The following BCR variants were observed in gnomAD, a reference collection of about 807,000 sequenced individuals.
The protein encoded by BCR is BCR activator of RhoGEF and GTPase.
In BCR, 58 loss-of-function variants were observed where a neutral mutation model predicts 138.6. That is an observed-to-expected ratio of 0.42 (90% CI 0.34 to 0.52). The LOEUF is 0.52. Ranked by LOEUF, BCR falls within the 20% of genes least tolerant of loss-of-function variation. BCR has a pLI of 0.06. For synonymous variants in BCR, 786 were observed against 730.1 expected, an observed-to-expected ratio of 1.08 and a Z score of -1.23; for missense variants, 1,599 against 1,727.2, an observed-to-expected ratio of 0.93 and a Z score of 1.32.
At chr22:23,312,663 G>C (rs534739462) in intron 19 of BCR, 1 of 567,418 alleles carries the variant, frequency 1.8e-6, no homozygotes, top group East Asian at 3.0e-5. Flanking sequence ...CATCACATCA[G>C]GCCAAGCAGG....
chr22:23,284,931 C>T, intron 9 of BCR, 102 bp from the exon 10 acceptor site: 1 of 1,336,314 alleles, frequency 7.5e-7, no homozygotes, highest in Non-Finnish European at 1.0e-6. Context: ...TCAGGTAAAC[C>T]ATGTATGGCC....
chr22:23,226,024 C>T (rs558102782), intron 1 of BCR, among the ~76,000 whole-genome samples: 5 of 152,220 alleles, frequency 3.3e-5, no homozygotes, highest in Non-Finnish European at 7.3e-5. Flanking sequence ...TGCCCACATC[C>T]GGCGCCCTTT....
At chr22:23,228,037 C>G (rs1216259099) in intron 1 of BCR, among the ~76,000 whole-genome samples, 3 of 152,182 alleles carry the variant, frequency 2.0e-5, no homozygotes, top group Admixed American at 6.5e-5. Context: ...TCCCTAGCAT[C>G]TTCTTAATGT....
At chr22:23,279,738 C>T (rs2073621252) in intron 8 of BCR, among the ~76,000 whole-genome samples, 1 of 152,214 alleles carries the variant, frequency 6.6e-6, no homozygotes, top group Admixed American at 6.5e-5. Context: ...GACTGTAGTT[C>T]GTGTACCTGG....
At chr22:23,225,954 T>G (rs2072886992) in intron 1 of BCR, among the ~76,000 whole-genome samples, 3 of 152,252 alleles carry the variant, frequency 2.0e-5, no homozygotes. Context: ...CTTTGGATCC[T>G]TTTAAAAGTA....
intron 16 of BCR, among the ~76,000 whole-genome samples, chr22:23,309,204 C>T (rs901762958): frequency 2.6e-5 from 4 of 152,158 alleles, no homozygotes; most frequent in African/African-American, 9.7e-5. Flanking sequence ...GGTGGGGACC[C>T]CAGGCAGCAG....
chr22:23,300,930 G>C (rs1243188345), intron 16 of BCR, among the ~76,000 whole-genome samples: 2 of 152,240 alleles, frequency 1.3e-5, no homozygotes, highest in African/African-American at 4.8e-5. Flanking sequence ...TAGAGCAGGA[G>C]AAATGGGAGA....
At chr22:23,290,911 G>A (rs2073778876) in intron 14 of BCR, 1 of 167,750 alleles carries the variant, frequency 6.0e-6, no homozygotes, top group Non-Finnish European at 1.3e-5. Flanking sequence ...GAGTTGCACT[G>A]TGTAAGTTTC....
At chr22:23,238,915 TC>T (rs2073056803) in intron 1 of BCR, among the ~76,000 whole-genome samples, 1 of 36,700 alleles carries the variant, frequency 2.7e-5, no homozygotes, top group African/African-American at 8.4e-5. Flanking sequence ...TCTCAAACTG[TC>T]CTCTGTCGGG....
intron 11 of BCR, 92 bp downstream of exon 11, chr22:23,287,370 C>T: frequency 2.8e-6 from 4 of 1,438,602 alleles, no homozygotes; most frequent in Non-Finnish European, 3.7e-6. Context: ...TTGGATGCGC[C>T]CCACTCTGAG....
At chr22:23,284,400 G>A (rs868630898) in intron 9 of BCR, among the ~76,000 whole-genome samples, 1 of 152,090 alleles carries the variant, frequency 6.6e-6, no homozygotes, top group South Asian at 2.1e-4. Context: ...GCTGCAGGCA[G>A]TGCTGGGTGG....
At position 23,261,358 on chromosome 22, in the gene BCR, A is replaced by C; in HGVS notation, c.1570A>C (p.Met524Leu). ...CCTCACTTGTGCCCTCTTCCAGCCC[A>C]TGAAGCCTTTGAAAGCCGCTGCCAC... ...LSHLEALLLP[M>L]KPLKAAATTS... Residue 524 changes from methionine to leucine, a missense_variant, in exon 4 of 23, where the codon ATG (methionine) becomes CTG (leucine). This residue lies in a region of BCR where 590 missense variants were observed against 762.4 expected (regional missense o/e 0.77). Transcript: ENST00000305877. 2 of 1,612,070 alleles carry C rather than the reference A, an allele frequency of 1.2e-6. No individual in the cohort carries two copies. Among genetic ancestry groups the C allele is most frequent in the Non-Finnish European group, 1.7e-6 (2 of 1,179,078 alleles).
intron 1 of BCR, among the ~76,000 whole-genome samples, chr22:23,192,463 G>T (rs2072428018): frequency 6.6e-6 from 1 of 152,244 alleles, no homozygotes; most frequent in African/African-American, 2.4e-5. Context: ...AGGCCTTCCA[G>T]CAGGTCGGCT....
intron 4 of BCR, chr22:23,262,864 A>G: frequency 9.5e-7 from 1 of 1,048,902 alleles, no homozygotes; most frequent in South Asian, 4.0e-5. Flanking sequence ...CGGGCCGCAG[A>G]CGGCGAAGGA....
chr22:23,212,766 G>C (rs1405800097), intron 1 of BCR, among the ~76,000 whole-genome samples: 1 of 152,236 alleles, frequency 6.6e-6, no homozygotes, highest in Non-Finnish European at 1.5e-5. Context: ...TTATGACTCT[G>C]TCCGTTGGTT....
At chr22:23,272,956 A>G in intron 6 of BCR, 125 bp from the exon 7 acceptor site, 1 of 998,400 alleles carries the variant, frequency 1.0e-6, no homozygotes, top group Non-Finnish European at 1.5e-6. Context: ...CACTGCGCAG[A>G]GGGGAGATGG....
At chr22:23,255,833 C>T (rs1346678507) in intron 2 of BCR, among the ~76,000 whole-genome samples, 1 of 152,224 alleles carries the variant, frequency 6.6e-6, no homozygotes, top group Non-Finnish European at 1.5e-5. Flanking sequence ...TCGTGGTGCA[C>T]ATCCTGCAGG....
intron 1 of BCR, among the ~76,000 whole-genome samples, chr22:23,219,415 C>T (rs1353007698): frequency 6.6e-6 from 1 of 152,250 alleles, no homozygotes. Flanking sequence ...ATGTGGAACC[C>T]AGCGGGGCAG....
chr22:23,252,665 A>G (rs1414607868), intron 1 of BCR, among the ~76,000 whole-genome samples: 1 of 151,898 alleles, frequency 6.6e-6, no homozygotes, highest in Admixed American at 6.6e-5. Context: ...TCCTGACCTC[A>G]AGTGATCCAC....
Sources: allele counts gnomAD v4.1 joint callset (sites outside exome capture counted in the v4.1 genomes callset), GRCh38; gene constraint gnomAD v4.1.1; regional missense constraint gnomAD v4.1.1; transcripts MANE v1.5; gene names NCBI Gene and HGNC (gene_info 2026-07-23, HGNC 2026-07-21).